Variants in MAF observed in about 807,000 individuals in gnomAD.
MAF encodes the protein transcription factor Maf.
In MAF, 10 loss-of-function variants were observed where a neutral mutation model predicts 22.0. The observed-to-expected ratio is 0.45, with a 90% CI of 0.28 to 0.77. The LOEUF (loss-of-function observed/expected upper bound fraction) is 0.77, where lower values mean the gene tolerates loss of function less well. MAF is among the 30% of genes least tolerant of loss of function. MAF has a pLI of 0.12. For synonymous variants in MAF, 337 were observed against 255.8 expected, an observed-to-expected ratio of 1.32 and a Z score of -3.03; for missense variants, 544 against 548.4, an observed-to-expected ratio of 0.99 and a Z score of 0.08.
At chr16:79,440,880 G>C in the MAF span, among the ~76,000 whole-genome samples, 1 of 152,230 alleles carries the variant, frequency 6.6e-6, no homozygotes, top group Non-Finnish European at 1.5e-5. Flanking sequence ...ACAGGAACAA[G>C]TGGCCCAAAG....
the MAF span, among the ~76,000 whole-genome samples, chr16:79,438,999 T>C: frequency 6.6e-6 from 1 of 152,008 alleles, no homozygotes; most frequent in African/African-American, 2.4e-5. Flanking sequence ...CAAGCTTGAC[T>C]TCAGGCCTGT....
the MAF span, chr16:79,211,766 C>A: frequency 1.2e-6 from 2 of 1,614,126 alleles, no homozygotes; most frequent in Non-Finnish European, 1.7e-6. Context: ...AGAGGCTGAT[C>A]CAAGAACGGC....
chr16:79,595,232 A>T, intron 1 of MAF: 3 of 1,044,528 alleles, frequency 2.9e-6, no homozygotes, highest in Non-Finnish European at 3.5e-6. Context: ...TTAAGTGTGG[A>T]TTCAGGAGCC....
the MAF span, among the ~76,000 whole-genome samples, chr16:79,439,301 A>G: frequency 8.1e-6 from 1 of 124,186 alleles, no homozygotes; most frequent in Non-Finnish European, 1.6e-5. Context: ...TTGCTCTGCC[A>G]CCCAGGCTGG....
chr16:79,598,472 C>T, intron 1 of MAF: 1 of 845,490 alleles, frequency 1.2e-6, no homozygotes, highest in Non-Finnish European at 1.5e-6. Context: ...AAAAAAAAAA[C>T]AAGCTAGCAA....
chr16:79,599,525 G>A lies in MAF; in HGVS notation c.378C>T (p.Gly126=), dbSNP rs1382476167. 4 of 1,549,810 alleles carry A rather than the reference G, an allele frequency of 2.6e-6. No individual in the cohort carries two copies. Among genetic ancestry groups the A allele is most frequent in the Non-Finnish European group, 3.5e-6 (4 of 1,148,004 alleles). ...ALISNSHQLQ[G]GFDGYARGAQ... Reference sequence around the variant, plus strand: ...CCCCGCGCGCGTAGCCATCGAAGCCGCCCTGGAGCTGGTGGCTGTTGCTGA... The same window carrying A: ...CCCCGCGCGCGTAGCCATCGAAGCCACCCTGGAGCTGGTGGCTGTTGCTGA... Residue 126 remains glycine, a synonymous_variant, in exon 1 of 2, where the codon GGC becomes GGT. Transcript: ENST00000326043.
At chr16:79,463,055 A>G in the MAF span, among the ~76,000 whole-genome samples, 1 of 152,226 alleles carries the variant, frequency 6.6e-6, no homozygotes, top group African/African-American at 2.4e-5. Context: ...CTCCACTGCA[A>G]TAAGAATGGT....
the MAF span, among the ~76,000 whole-genome samples, chr16:79,306,245 G>C: frequency 6.6e-6 from 1 of 152,188 alleles, no homozygotes; most frequent in Non-Finnish European, 1.5e-5. Context: ...GTCCTGTCTT[G>C]TAATCCTGTG....
At chr16:79,537,526 C>T in the MAF span, among the ~76,000 whole-genome samples, 1 of 152,218 alleles carries the variant, frequency 6.6e-6, no homozygotes, top group Non-Finnish European at 1.5e-5. Context: ...CAAGCCTAGA[C>T]TCATGCCTAT....
chr16:79,205,616 T>TC, the MAF span: 1 of 152,192 alleles, frequency 6.6e-6, no homozygotes. Flanking sequence ...TTGAGTGCAT[T>TC]CCTCTTCTAT....
the MAF span, among the ~76,000 whole-genome samples, chr16:79,488,102 C>T: frequency 6.6e-6 from 1 of 152,156 alleles, no homozygotes; most frequent in Non-Finnish European, 1.5e-5. Context: ...CCTGGAGTGA[C>T]GCATTGGCAC....
chr16:79,481,467 T>C, the MAF span, among the ~76,000 whole-genome samples: 1 of 152,142 alleles, frequency 6.6e-6, no homozygotes, highest in African/African-American at 2.4e-5. Flanking sequence ...CCCGTCTCTA[T>C]AGATTTGCCT....
chr16:79,329,667 C>T, the MAF span, among the ~76,000 whole-genome samples: 3 of 152,184 alleles, frequency 2.0e-5, no homozygotes, highest in African/African-American at 7.2e-5. Context: ...CCCTTATCTC[C>T]CACACTGTGT....
chr16:79,567,532 A>T, the MAF span, among the ~76,000 whole-genome samples: 1 of 152,158 alleles, frequency 6.6e-6, no homozygotes, highest in Admixed American at 6.5e-5. Context: ...AAAAATGACC[A>T]ATGATATTAG....
the MAF span, among the ~76,000 whole-genome samples, chr16:79,224,330 CAAT>C: frequency 1.3e-5 from 2 of 152,166 alleles, no homozygotes; most frequent in Non-Finnish European, 2.9e-5. Context: ...CTAAAACTCT[CAAT>C]AAACTAGGTA....
the MAF span, among the ~76,000 whole-genome samples, chr16:79,565,511 G>C: frequency 6.6e-6 from 1 of 152,088 alleles, no homozygotes; most frequent in Non-Finnish European, 1.5e-5. Flanking sequence ...TGTTGTGGGG[G>C]GGGGGACCAG....
chr16:79,394,851 G>T, the MAF span, among the ~76,000 whole-genome samples: 1 of 152,112 alleles, frequency 6.6e-6, no homozygotes, highest in Non-Finnish European at 1.5e-5. Context: ...CTGTCATACA[G>T]TATTTAACAC....
chr16:79,401,963 A>G, the MAF span, among the ~76,000 whole-genome samples: 1 of 152,152 alleles, frequency 6.6e-6, no homozygotes, highest in African/African-American at 2.4e-5. Flanking sequence ...GGATGCTATC[A>G]TTACCCCCAT....
At chr16:79,281,963 T>A in the MAF span, among the ~76,000 whole-genome samples, 5 of 152,170 alleles carry the variant, frequency 3.3e-5, no homozygotes. Flanking sequence ...GATAGTTTGA[T>A]ATGGAACAAT....
Sources: allele counts gnomAD v4.1 joint callset (sites outside exome capture counted in the v4.1 genomes callset), GRCh38; gene constraint gnomAD v4.1.1; transcripts MANE v1.5; gene names NCBI Gene and HGNC (gene_info 2026-07-23, HGNC 2026-07-21).